SEMA3A: variants seen among roughly 807,000 people sequenced by gnomAD.
SEMA3A encodes semaphorin 3A, also known as semaphorin-3A.
Under a neutral mutation model 97.9 loss-of-function variants are expected in SEMA3A, and 29 were observed. The ratio of observed to expected loss-of-function variants is 0.30; its 90% CI spans 0.22 to 0.40. The LOEUF is 0.40. Among genes scored for constraint, SEMA3A ranks in the 10% least tolerant of loss-of-function variants. The pLI is 1.00. For synonymous variants in SEMA3A, 321 were observed against 323.7 expected, an observed-to-expected ratio of 0.99 and a Z score of 0.09; for missense variants, 763 against 951.3, an observed-to-expected ratio of 0.80 and a Z score of 2.60.
chr7:84,122,604 TAC>T (rs1795661032), intron 3 of SEMA3A, among the ~76,000 whole-genome samples: 1 of 152,182 alleles, frequency 6.6e-6, no homozygotes, highest in Non-Finnish European at 1.5e-5. Context: ...ATCCACTTAA[TAC>T]AGTTTTATTA....
intron 12 of SEMA3A, among the ~76,000 whole-genome samples, chr7:83,995,037 C>T (rs912582637): frequency 4.6e-5 from 7 of 152,204 alleles, no homozygotes; most frequent in East Asian, 1.9e-4. Context: ...TTTTTAAGCC[C>T]GTCGGAAAAG....
intron 1 of SEMA3A, among the ~76,000 whole-genome samples, chr7:84,446,220 G>C (rs1403670254): frequency 6.6e-6 from 1 of 152,098 alleles, no homozygotes; most frequent in Non-Finnish European, 1.5e-5. Context: ...AACATCTCTT[G>C]ATAAAGAAAA....
At chr7:84,218,769 T>G (rs1453662403) in intron 3 of SEMA3A, among the ~76,000 whole-genome samples, 1 of 152,036 alleles carries the variant, frequency 6.6e-6, no homozygotes, top group East Asian at 1.9e-4. Flanking sequence ...CTTTAATTTT[T>G]CCTAACTTAG....
chr7:84,257,648 G>C (rs1262763414), intron 3 of SEMA3A, among the ~76,000 whole-genome samples: 2 of 152,130 alleles, frequency 1.3e-5, no homozygotes, highest in Non-Finnish European at 2.9e-5. Context: ...AACAGTGCCT[G>C]CTGTGATTTT....
chr7:83,995,384 A>T (rs562064037), intron 12 of SEMA3A, among the ~76,000 whole-genome samples: 1 of 152,104 alleles, frequency 6.6e-6, no homozygotes, highest in East Asian at 1.9e-4. Flanking sequence ...AACATAAAAG[A>T]AACCCTAGTA....
intron 2 of SEMA3A, among the ~76,000 whole-genome samples, chr7:84,357,648 C>A (rs536766895): frequency 2.0e-5 from 3 of 151,954 alleles, no homozygotes; most frequent in African/African-American, 7.3e-5. Flanking sequence ...TGGGTATATA[C>A]CCAGTAATGG....
chr7:84,350,508 G>A (rs1802411262), intron 2 of SEMA3A, among the ~76,000 whole-genome samples: 1 of 151,850 alleles, frequency 6.6e-6, no homozygotes, highest in South Asian at 2.1e-4. Context: ...GAAATGATAG[G>A]CCAATGACCC....
intron 4 of SEMA3A, among the ~76,000 whole-genome samples, chr7:84,079,271 C>A (rs928294939): frequency 1.3e-4 from 19 of 151,778 alleles, no homozygotes; most frequent in African/African-American, 4.6e-4. Flanking sequence ...CTAGGCATTA[C>A]CATTCAGGAC....
intron 1 of SEMA3A, among the ~76,000 whole-genome samples, chr7:84,484,192 A>G (rs573900394): frequency 1.7e-4 from 26 of 152,270 alleles, no homozygotes; most frequent in Non-Finnish European, 3.4e-4. Flanking sequence ...CTAGAAGACC[A>G]CTGTGTAAGG....
At chr7:84,054,496 C>T (rs1307449992) in intron 5 of SEMA3A, among the ~76,000 whole-genome samples, 12 of 152,238 alleles carry the variant, frequency 7.9e-5, no homozygotes, top group Middle Eastern at 3.4e-3. Context: ...TTGATCGCAT[C>T]GGCTCCTGAG....
At chr7:84,079,640 A>G (rs1324109099) in intron 4 of SEMA3A, among the ~76,000 whole-genome samples, 1 of 147,858 alleles carries the variant, frequency 6.8e-6, no homozygotes, top group Admixed American at 6.8e-5. Flanking sequence ...ATGCAAATCA[A>G]AACCACAATG....
At chr7:84,098,651 G>A (rs576351720) in intron 4 of SEMA3A, among the ~76,000 whole-genome samples, 1 of 152,040 alleles carries the variant, frequency 6.6e-6, no homozygotes, top group Non-Finnish European at 1.5e-5. Context: ...TTTCAAGAAG[G>A]TTCTTGATAA....
chr7:84,152,577 G>A (rs1796709321), intron 1 of SEMA3A, among the ~76,000 whole-genome samples: 1 of 139,252 alleles, frequency 7.2e-6, no homozygotes, highest in Non-Finnish European at 1.5e-5. Flanking sequence ...AGCATTGGGA[G>A]ATATACCTAA....
At chr7:84,079,285 G>A (rs923441015) in intron 4 of SEMA3A, among the ~76,000 whole-genome samples, 4 of 151,678 alleles carry the variant, frequency 2.6e-5, no homozygotes, top group Admixed American at 1.3e-4. Context: ...TCAGGACATA[G>A]GCATGGGCAA....
At chr7:84,255,019 A>G (rs973707134) in intron 3 of SEMA3A, among the ~76,000 whole-genome samples, 2 of 152,134 alleles carry the variant, frequency 1.3e-5, no homozygotes, top group African/African-American at 4.8e-5. Context: ...AAAAGGTTCA[A>G]GTGAAAAGCA....
chr7:84,020,984 C>A (rs948176654), intron 6 of SEMA3A, among the ~76,000 whole-genome samples: 1 of 152,130 alleles, frequency 6.6e-6, no homozygotes, highest in African/African-American at 2.4e-5. Flanking sequence ...AAAGACAAAA[C>A]TGATGTACTG....
rs572693090 is a variant in SEMA3A at position 84,490,583 on chromosome 7, T to TTGTTA, written c.-246+1872_-246+1876dup. ...TAGCTTGATTGATTTTTTCACTTAGTTGTTATTTCTTTCTTTACTAAACCA... is the reference window on the plus strand; with the variant it reads ...TAGCTTGATTGATTTTTTCACTTAGTTGTTATGTTATTTCTTTCTTTACTAAACCA... On this transcript the variant is annotated intron_variant, in intron 1 of 3. Transcript: ENST00000424555. 3.3e-4 allele frequency among the ~76,000 whole-genome samples: 51 copies of TTGTTA among 152,282 alleles called. No individual in the cohort carries two copies. In the East Asian group the frequency reaches 5.2e-3, roughly 16 times the overall value.
intron 12 of SEMA3A, among the ~76,000 whole-genome samples, chr7:83,998,099 G>A (rs1001775565): frequency 2.1e-5 from 3 of 141,370 alleles, no homozygotes; most frequent in African/African-American, 2.6e-5. Context: ...GTATTTCTCT[G>A]GAAACTGCAA....
Position 84,376,472 on chromosome 7 carries a change from C to T in SEMA3A, c.-245-4572G>A, listed in dbSNP as rs1273137423. 2.8e-5 allele frequency among the ~76,000 whole-genome samples: 4 copies of T among 142,258 alleles called. 1 individual carries two copies. The highest frequency in any genetic ancestry group is 7.3e-5 in the Admixed American group (1 of 13,646). The allele number at this position is 142,258 out of a possible 152,430, so 93.3% of individuals were successfully genotyped here. A position where few individuals can be genotyped will look rare whatever the true frequency, so the allele number is the denominator to read the frequency against. On this transcript the variant is annotated intron_variant, in intron 1 of 3. Transcript: ENST00000424555. ...CAAAAAAATTAGCCGGGCGTGGTGG[C>T]GGGCGCCTGTAGTCCCAGCTACTTG...
Sources: gnomAD v4.1 joint callset for allele counts (sites outside exome capture counted in the v4.1 genomes callset) on GRCh38, gnomAD v4.1.1 for gene constraint, MANE v1.5 for transcripts, NCBI Gene and HGNC (gene_info 2026-07-23, HGNC 2026-07-21) for gene names.